CMYA5: variants seen among roughly 807,000 people sequenced by gnomAD.
CMYA5 encodes the protein cardiomyopathy associated 5.
A neutral mutation model predicts 318.9 loss-of-function variants in CMYA5; 246 were observed. The ratio of observed to expected loss-of-function variants is 0.77; its 90% CI spans 0.70 to 0.86. The LOEUF (loss-of-function observed/expected upper bound fraction) is 0.86, where lower values mean the gene tolerates loss of function less well. Among genes scored for constraint, CMYA5 ranks in the 40% least tolerant of loss-of-function variants. The pLI is 0.00. For missense variants in CMYA5, 4,589 were observed against 4,678.2 expected (o/e 0.98, Z 0.56); for synonymous variants, 1,641 against 1,729.5 (o/e 0.95, Z 1.27).
Position 79,739,293 on chromosome 5 carries a change from G to A in CMYA5, c.10528G>A (p.Asp3510Asn). The A allele has an allele frequency of 6.2e-7, 1 of 1,605,450 alleles. No homozygotes were observed. The highest frequency in any genetic ancestry group is 8.5e-7 in the Non-Finnish European group (1 of 1,175,994). Reference sequence around the variant, plus strand: ...AAAAGAGCTGAAAAAGTCCCAGATTGACACATACTGTTACACCTGCAAATG... The same window carrying A: ...AAAAGAGCTGAAAAAGTCCCAGATTAACACATACTGTTACACCTGCAAATG... The part of the protein sequence containing the change: ...AQKELKKSQI[D>N]TYCYTCKCPI... The change falls in exon 2 of 13, where the codon GAC becomes AAC. Residue 3510 changes from aspartate (D) to asparagine (N), a missense_variant. This residue lies in a region of CMYA5 where 2,431 missense variants were observed against 2,495.1 expected (regional missense o/e 0.97). Coordinates refer to ENST00000446378, the MANE Select transcript of CMYA5 (RefSeq NM_153610.5).
chr5:79,761,851 C>CT lies in CMYA5; in HGVS notation c.11302dup (p.Cys3768LeufsTer4). ...ACAGACTGACAGTGAAAGAAAGCTA[C>CT]TGCATTTTTGAAGATCTGGAACCTG... is the stretch of plus-strand genomic sequence containing the variant. On this transcript the variant is annotated frameshift_variant, in exon 8 of 13. Coordinates refer to ENST00000446378, the MANE Select transcript of CMYA5 (RefSeq NM_153610.5). LOFTEE classifies it high-confidence loss of function. The CT allele has an allele frequency of 1.2e-6, 2 of 1,613,562 alleles. No homozygotes were observed. The highest frequency in any genetic ancestry group is 4.5e-5 in the East Asian group (2 of 44,868).
At chr5:79,752,878 G>T in intron 6 of CMYA5, 84 bp downstream of exon 6, 1 of 894,782 alleles carries the variant, frequency 1.1e-6, no homozygotes, top group Non-Finnish European at 1.8e-6. Context: ...ATATACAAAA[G>T]ATTTTGAGTG....
chr5:79,749,540 A>G (rs921007172), intron 5 of CMYA5, among the ~76,000 whole-genome samples: 3 of 152,220 alleles, frequency 2.0e-5, no homozygotes, highest in African/African-American at 7.2e-5. Context: ...AAAAACTCAA[A>G]GATGAACTGC....
chr5:79,703,001 T>C (rs1827201866), intron 1 of CMYA5, among the ~76,000 whole-genome samples: 3 of 152,176 alleles, frequency 2.0e-5, no homozygotes, highest in African/African-American at 7.2e-5. Flanking sequence ...TAGGAGAGTA[T>C]CTGGTGCTGT....
intron 6 of CMYA5, among the ~76,000 whole-genome samples, chr5:79,754,963 G>A (rs1828499365): frequency 6.6e-6 from 1 of 152,140 alleles, no homozygotes; most frequent in African/African-American, 2.4e-5. Flanking sequence ...TTAACTTAGA[G>A]TAATATCCTC....
chr5:79,738,253 G>A lies in CMYA5; in HGVS notation c.9488G>A (p.Gly3163Glu), dbSNP rs769260361. The A allele has an allele frequency of 6.2e-7, 1 of 1,613,696 alleles. No individual in the cohort carries two copies. Among genetic ancestry groups the A allele is most frequent in the Non-Finnish European group, 8.5e-7 (1 of 1,179,816 alleles). Residue 3163 changes from glycine to glutamate, a missense_variant, in exon 2 of 13, where the codon GGA becomes GAA. Gly to Glu is a moderately conservative substitution (Grantham distance 98). Transcript: ENST00000446378. ...ATGCCTTTATTTGAAGCAGAGGAAG[G>A]AGTTCTATCACGAACCCAGATATTT... ...PGMPLFEAEE[G>E]VLSRTQIFPT...
At chr5:79,771,173 C>G (rs1270169413) in intron 9 of CMYA5, among the ~76,000 whole-genome samples, 1 of 152,002 alleles carries the variant, frequency 6.6e-6, no homozygotes, top group Non-Finnish European at 1.5e-5. Flanking sequence ...CACAAAAACT[C>G]TTAAGATAAA....
At chr5:79,728,742 G>T (rs1035146524) in intron 1 of CMYA5, among the ~76,000 whole-genome samples, 173 bp from the exon 2 acceptor site, 1 of 151,926 alleles carries the variant, frequency 6.6e-6, no homozygotes, top group Non-Finnish European at 1.5e-5. Context: ...TCCTGACTTT[G>T]GTTTTTAAAC....
At chr5:79,699,618 A>AT (rs1434851393) in intron 1 of CMYA5, among the ~76,000 whole-genome samples, 1 of 152,200 alleles carries the variant, frequency 6.6e-6, no homozygotes, top group East Asian at 1.9e-4. Context: ...ACTGGGTGAT[A>AT]TAGTTGTGCC....
chr5:79,691,281 G>A (rs1826966323), intron 1 of CMYA5, among the ~76,000 whole-genome samples: 1 of 152,184 alleles, frequency 6.6e-6, no homozygotes, highest in Non-Finnish European at 1.5e-5. Context: ...GTGATCCCTT[G>A]GCAGTGTTGA....
At chr5:79,778,971 G>C (rs1311294903) in intron 9 of CMYA5, among the ~76,000 whole-genome samples, 15 of 104,110 alleles carry the variant, frequency 1.4e-4, no homozygotes, top group Non-Finnish European at 2.7e-4. Flanking sequence ...GTGCAGGTTA[G>C]TTACATATGT....
chr5:79,723,752 T>A (rs111350270), intron 1 of CMYA5, among the ~76,000 whole-genome samples: 12,210 of 143,840 alleles, frequency 0.085, 852 homozygotes, highest in East Asian at 0.4. Flanking sequence ...ACAGAGCGAG[T>A]CCCTGTCTCA....
chr5:79,763,807 A>G (rs976688025), intron 9 of CMYA5, among the ~76,000 whole-genome samples: 22 of 152,156 alleles, frequency 1.4e-4, no homozygotes, highest in African/African-American at 5.3e-4. Context: ...TAACTTATCT[A>G]CCGAGGTGGT....
intron 5 of CMYA5, 147 bp downstream of exon 5, chr5:79,747,260 T>A: frequency 1.6e-6 from 1 of 632,098 alleles, no homozygotes; most frequent in Non-Finnish European, 2.5e-6. Flanking sequence ...ACAGTGCTTT[T>A]AAAAGCTAAA....
chr5:79,755,162 A>T (rs1451109869), intron 6 of CMYA5, among the ~76,000 whole-genome samples: 3 of 152,166 alleles, frequency 2.0e-5, no homozygotes, highest in Non-Finnish European at 2.9e-5. Context: ...GTTAATGCTT[A>T]ACTCCCCCAG....
At chr5:79,712,291 G>A (rs1488519416) in intron 1 of CMYA5, among the ~76,000 whole-genome samples, 1 of 152,024 alleles carries the variant, frequency 6.6e-6, no homozygotes, top group Non-Finnish European at 1.5e-5. Context: ...TCGGCTCACC[G>A]CAACCTTAGT....
In CMYA5 at chr5:79,724,149, C is replaced by G. The variant is rs555208822; in HGVS notation, c.150-4766C>G. On this transcript the variant is annotated intron_variant, in intron 1 of 12. Coordinates refer to ENST00000446378, the MANE Select transcript of CMYA5 (RefSeq NM_153610.5). ...CCTGACCAACATGGTGATACCCCAT[C>G]TCTGCTAAAAAAAAAAAATACAAAA... Among the ~76,000 whole-genome samples the G allele has an allele frequency of 3.9e-4, 59 of 149,960 alleles. No individual in the cohort carries two copies. The East Asian group carries it at 0.013, about 32-fold the overall frequency.
At chr5:79,690,173 C>A in intron 1 of CMYA5, 117 bp downstream of exon 1, 1 of 1,327,230 alleles carries the variant, frequency 7.5e-7, no homozygotes, top group Non-Finnish European at 9.7e-7. Flanking sequence ...GGCACTTTCT[C>A]TCTGGGTGCA....
chr5:79,732,325 CAG>C lies in CMYA5; in HGVS notation c.3561_3562del (p.Ala1188SerfsTer9), dbSNP rs763451691. ...GCAATCAAGAAAGAACAGGAACCCA[CAG>C]CAGCACTCACTCTAAAAGCTGCAGA... On this transcript the variant is annotated frameshift_variant, in exon 2 of 13. Transcript: ENST00000446378. LOFTEE classifies it high-confidence loss of function. 20 of 1,613,830 alleles carry C rather than the reference CAG, an allele frequency of 1.2e-5. No homozygotes were observed. In the East Asian group the frequency reaches 1.3e-4, roughly 11 times the overall value.
Sources: allele counts gnomAD v4.1 joint callset (sites outside exome capture counted in the v4.1 genomes callset), GRCh38; gene constraint gnomAD v4.1.1; regional missense constraint gnomAD v4.1.1; transcripts MANE v1.5; gene names NCBI Gene and HGNC (gene_info 2026-07-23, HGNC 2026-07-21).